Variants in TRMT2B observed in about 807,000 individuals in gnomAD.
TRMT2B encodes tRNA methyltransferase 2B.
TRMT2B carries 34 observed loss-of-function variants against 39.7 expected under a neutral mutation model. The observed-to-expected ratio is 0.86, with a 90% CI of 0.65 to 1.14. The LOEUF (loss-of-function observed/expected upper bound fraction) is 1.14, where lower values mean the gene tolerates loss of function less well. Ranked by LOEUF, TRMT2B falls within the 50% of genes most tolerant of loss-of-function variation. TRMT2B has a pLI of 0.00. For synonymous variants in TRMT2B, 132 were observed against 137.3 expected (o/e 0.96, Z 0.27); for missense variants, 318 against 377.2 (o/e 0.84, Z 1.30).
intron 7 of TRMT2B, among the ~76,000 whole-genome samples, chrX:101,031,479 C>T (rs865980450): frequency 1.8e-5 from 2 of 111,433 alleles, no homozygotes; most frequent in African/African-American, 3.3e-5. Flanking sequence ...AGGCAAAGGT[C>T]GGCAGATCAC....
chrX:101,019,628 TTTACACC>T (rs2086692996), intron 11 of TRMT2B, among the ~76,000 whole-genome samples: 2 of 108,026 alleles, frequency 1.9e-5, no homozygotes, highest in Admixed American at 1.0e-4. Flanking sequence ...GCAACTAGTG[TTTACACC>T]TTTTTTTTTT....
intron 13 of TRMT2B, among the ~76,000 whole-genome samples, chrX:101,014,777 A>T (rs112134203): frequency 0.19 from 21,280 of 109,855 alleles, 1,613 homozygotes; most frequent in African/African-American, 0.23. Context: ...GGCTCAAGGA[A>T]TCTGCCCGCC....
chrX:100,979,118 A>G, the TRMT2B span, among the ~76,000 whole-genome samples: 2 of 111,792 alleles, frequency 1.8e-5, no homozygotes, highest in Non-Finnish European at 3.8e-5. Flanking sequence ...TGATAGGTTC[A>G]TCTTTTAGTC....
rs201146893 is a variant in TRMT2B at position 101,021,224 on chromosome X, G to A, written c.943C>T (p.Arg315Cys). Residue 315 changes from arginine (R) to cysteine (C), a missense_variant, in exon 10 of 14, where the codon CGC (arginine) becomes TGC (cysteine). Physicochemically the swap from Arg to Cys is radical, Grantham distance 180. Transcript: ENST00000372936. ...IFEELLSLKI[R>C]ISPDAFFQIN... The stretch of plus-strand genomic sequence containing the variant: ...TGGAAAAAGGCATCTGGAGAGATGC[G>A]GATCTTCAAGCTCAGAAGTTCTTCA... 2.2e-5 allele frequency: 26 copies of A among 1,209,068 alleles called. No homozygotes were observed. The highest frequency in any genetic ancestry group is 8.7e-5 in the African/African-American group (5 of 57,256).
intron 13 of TRMT2B, among the ~76,000 whole-genome samples, chrX:101,011,204 C>G (rs1297824800): frequency 9.0e-6 from 1 of 111,576 alleles, no homozygotes; most frequent in Non-Finnish European, 1.9e-5. Context: ...CATAATAGAG[C>G]ATACTTACAA....
intron 5 of TRMT2B, 144 bp from the exon 6 acceptor site, chrX:101,037,217 TAAG>T (rs1017234525): frequency 1.9e-5 from 9 of 478,183 alleles, no homozygotes; most frequent in Non-Finnish European, 3.3e-5. Flanking sequence ...AGTCTGTGGC[TAAG>T]AAGATCAAGA....
chrX:101,039,363 G>A, intron 4 of TRMT2B, among the ~76,000 whole-genome samples: 1 of 112,097 alleles, frequency 8.9e-6, no homozygotes, highest in Non-Finnish European at 1.9e-5. Context: ...GAGCCACCAC[G>A]CCCGGCCCTA....
the TRMT2B span, chrX:100,985,654 C>T: frequency 8.4e-7 from 1 of 1,194,174 alleles, no homozygotes; most frequent in Admixed American, 2.3e-5. Context: ...CTCCTCTTTT[C>T]CCCTATGCAC....
chrX:100,979,462 T>A, the TRMT2B span, among the ~76,000 whole-genome samples: 1 of 112,330 alleles, frequency 8.9e-6, no homozygotes, highest in Admixed American at 9.4e-5. Context: ...CACTCTCTTA[T>A]TTCAATCTTT....
downstream of TRMT2B, among the ~76,000 whole-genome samples, chrX:101,005,963 G>C (rs776425009): frequency 2.8e-5 from 3 of 105,548 alleles, no homozygotes; most frequent in East Asian, 9.1e-4. Context: ...GCTCACACCT[G>C]TAATCTCAGC....
chrX:100,980,323 C>A, the TRMT2B span, among the ~76,000 whole-genome samples: 303 of 108,743 alleles, frequency 2.8e-3, no homozygotes, highest in African/African-American at 9.6e-3. Context: ...AGACAAAGTC[C>A]TCTTTATATT....
chrX:100,977,066 G>A, the TRMT2B span, among the ~76,000 whole-genome samples: 5 of 112,019 alleles, frequency 4.5e-5, no homozygotes, highest in Non-Finnish European at 7.5e-5. Context: ...CATTGTAGGT[G>A]TATATATTTA....
chrX:101,008,099 A>G (rs1405668215), downstream of TRMT2B, among the ~76,000 whole-genome samples: 1 of 111,546 alleles, frequency 9.0e-6, no homozygotes, highest in Non-Finnish European at 1.9e-5. Flanking sequence ...TTTAAGGGAA[A>G]GATGGAAAGC....
intron 13 of TRMT2B, among the ~76,000 whole-genome samples, chrX:101,015,438 T>A (rs947318545): frequency 8.9e-6 from 1 of 111,775 alleles, no homozygotes; most frequent in Non-Finnish European, 1.9e-5. Context: ...ATTATCAAGC[T>A]TTTGTACTTT....
chrX:101,027,526 G>A (rs757552815), intron 7 of TRMT2B, among the ~76,000 whole-genome samples: 6 of 109,996 alleles, frequency 5.5e-5, no homozygotes, highest in African/African-American at 9.9e-5. Flanking sequence ...ACAGGCGTGA[G>A]CCACGGACTC....
chrX:100,989,382 C>T, the TRMT2B span, among the ~76,000 whole-genome samples: 3 of 110,319 alleles, frequency 2.7e-5, no homozygotes, highest in Non-Finnish European at 5.7e-5. Context: ...GAGGCTGAGG[C>T]GGGCGGATCA....
At chrX:101,038,684 G>A (rs2088015833) in intron 4 of TRMT2B, among the ~76,000 whole-genome samples, 1 of 112,180 alleles carries the variant, frequency 8.9e-6, no homozygotes, top group South Asian at 3.6e-4. Context: ...CGTATACAGT[G>A]GCCACTAGCT....
At chrX:100,998,003 C>T in the TRMT2B span, among the ~76,000 whole-genome samples, 3 of 111,289 alleles carry the variant, frequency 2.7e-5, no homozygotes, top group Non-Finnish European at 5.6e-5. Context: ...GCCTGTAATC[C>T]CAGCACTTTG....
At chrX:101,023,376 T>C in intron 8 of TRMT2B, 94 bp downstream of exon 8, 2 of 920,472 alleles carry the variant, frequency 2.2e-6, no homozygotes, top group Non-Finnish European at 3.1e-6. Flanking sequence ...GATGTACTGT[T>C]TCTGCTATAT....
Sources: allele counts gnomAD v4.1 joint callset (sites outside exome capture counted in the v4.1 genomes callset), GRCh38; gene constraint gnomAD v4.1.1; transcripts MANE v1.5; gene names NCBI Gene and HGNC (gene_info 2026-07-23, HGNC 2026-07-21).